COL21A1: variants seen among roughly 807,000 people sequenced by gnomAD.
COL21A1 encodes collagen type XXI alpha 1 chain, also known as collagen alpha-1(XXI) chain.
COL21A1 carries 149 observed loss-of-function variants against 137.9 expected under a neutral mutation model. The ratio of observed to expected loss-of-function variants is 1.08; its 90% CI spans 0.95 to 1.24. The LOEUF (loss-of-function observed/expected upper bound fraction) is 1.24, where lower values mean the gene tolerates loss of function less well. COL21A1 is among the 50% of genes most tolerant of loss of function. The pLI, the probability that COL21A1 is intolerant of heterozygous loss-of-function variation, is 0.00. For synonymous variants in COL21A1, 456 were observed against 391.5 expected, an observed-to-expected ratio of 1.16 and a Z score of -1.95; for missense variants, 1,167 against 1,158.4, an observed-to-expected ratio of 1.01 and a Z score of -0.11.
chr6:56,323,933 G>A (rs951598645), intron 1 of COL21A1, among the ~76,000 whole-genome samples: 4 of 152,040 alleles, frequency 2.6e-5, no homozygotes, highest in Admixed American at 1.3e-4. Flanking sequence ...CCTGACTAAC[G>A]CTTGGTCAAG....
chr6:56,142,441 C>T (rs776354435), intron 10 of COL21A1, among the ~76,000 whole-genome samples: 6 of 152,136 alleles, frequency 3.9e-5, no homozygotes, highest in Non-Finnish European at 8.8e-5. Flanking sequence ...TTAAATTACT[C>T]ATTTTAGAAA....
intron 16 of COL21A1, among the ~76,000 whole-genome samples, chr6:56,112,213 G>A (rs1246943524): frequency 6.6e-6 from 1 of 152,034 alleles, no homozygotes; most frequent in East Asian, 1.9e-4. Context: ...AATGGTGCTA[G>A]AATAACTGAA....
intron 1 of COL21A1, among the ~76,000 whole-genome samples, chr6:56,288,287 C>G (rs1398609819): frequency 3.3e-5 from 5 of 150,874 alleles, no homozygotes; most frequent in African/African-American, 4.9e-5. Context: ...TATTTGACTG[C>G]ATGACCCACT....
At chr6:56,344,113 A>G (rs1365390822) in intron 1 of COL21A1, among the ~76,000 whole-genome samples, 1 of 152,210 alleles carries the variant, frequency 6.6e-6, no homozygotes, top group Non-Finnish European at 1.5e-5. Context: ...CTCAAATGAA[A>G]TGCATTCCTA....
intron 1 of COL21A1, among the ~76,000 whole-genome samples, chr6:56,317,386 C>A (rs1764762657): frequency 6.6e-6 from 1 of 152,102 alleles, no homozygotes; most frequent in African/African-American, 2.4e-5. Flanking sequence ...TGCTGCAATC[C>A]CCCATACTGT....
At chr6:56,239,342 T>C (rs1782115369) in intron 1 of COL21A1, among the ~76,000 whole-genome samples, 1 of 152,146 alleles carries the variant, frequency 6.6e-6, no homozygotes. Flanking sequence ...AATGTTTCCA[T>C]ATACAAAGCA....
intron 1 of COL21A1, among the ~76,000 whole-genome samples, chr6:56,339,514 T>C (rs533508498): frequency 2.0e-5 from 3 of 152,328 alleles, no homozygotes; most frequent in East Asian, 1.9e-4. Flanking sequence ...GAATTACTGA[T>C]CTAGAATATG....
chr6:56,269,961 C>T (rs1251542759), intron 1 of COL21A1, among the ~76,000 whole-genome samples: 1 of 152,170 alleles, frequency 6.6e-6, no homozygotes, highest in South Asian at 2.1e-4. Flanking sequence ...AGAACGACAC[C>T]TGCTACCACA....
At chr6:56,227,411 T>G (rs1781275974) in intron 1 of COL21A1, among the ~76,000 whole-genome samples, 1 of 152,008 alleles carries the variant, frequency 6.6e-6, no homozygotes, top group African/African-American at 2.4e-5. Context: ...TGTGGGAAAT[T>G]CTACTAAGTA....
chr6:56,170,810 A>G lies in COL21A1; in HGVS notation c.865T>C (p.Phe289Leu), dbSNP rs1209879684. 1 of 1,610,954 alleles carries G rather than the reference A, an allele frequency of 6.2e-7. No homozygotes were observed. Among genetic ancestry groups the G allele is most frequent in the Non-Finnish European group, 8.5e-7 (1 of 1,178,078 alleles). ...AAATCCCAAATTTTCTTGACTTTAA[A>G]TCTTTGAGTAGACACAAATACATAT... is the stretch of plus-strand genomic sequence containing the variant. ...PSYVFVSTQR[F>L]KVKKIWDLWR... The change falls in exon 5 of 30, where the codon TTT becomes CTT. Residue 289 changes from phenylalanine to leucine, a missense_variant. Physicochemically the swap from Phe to Leu is conservative, Grantham distance 22. Coordinates refer to ENST00000244728, the MANE Select transcript of COL21A1 (RefSeq NM_030820.4).
rs553825886 is a variant in COL21A1 at position 56,295,205 on chromosome 6, G to C, written c.-39+98766C>G. On this transcript the variant is annotated intron_variant, in intron 1 of 28. Transcript: ENST00000370819. ...CCAGTAGCATTTGTTGAAAAGATTGGGTTTTTTTCTATTGAATTGCCTTTG... is the reference window on the plus strand; with the variant it reads ...CCAGTAGCATTTGTTGAAAAGATTGCGTTTTTTTCTATTGAATTGCCTTTG... Among the ~76,000 whole-genome samples the C allele has an allele frequency of 1.3e-5, 2 of 151,760 alleles. 1 individual carries two copies. Among genetic ancestry groups the C allele is most frequent in the Admixed American group, 1.3e-4 (2 of 15,218 alleles).
At chr6:56,078,140 AAAG>A in intron 17 of COL21A1, 1 of 456,006 alleles carries the variant, frequency 2.2e-6, no homozygotes, top group Non-Finnish European at 4.4e-6. Flanking sequence ...GAAGAGACAT[AAAG>A]AAGTACAGGT....
chr6:56,219,781 T>C (rs1441643642), intron 1 of COL21A1, among the ~76,000 whole-genome samples: 1 of 152,122 alleles, frequency 6.6e-6, no homozygotes, highest in Non-Finnish European at 1.5e-5. Flanking sequence ...CTTGTTGCAA[T>C]GAATATTTTT....
chr6:56,153,684 G>A (rs79589971), intron 10 of COL21A1, among the ~76,000 whole-genome samples: 4,618 of 152,064 alleles, frequency 0.03, 171 homozygotes, highest in African/African-American at 0.084. Flanking sequence ...ATACTCCTGT[G>A]TAGCAAATCC....
intron 21 of COL21A1, among the ~76,000 whole-genome samples, chr6:56,069,624 A>G (rs1182650362): frequency 1.3e-5 from 2 of 150,266 alleles, no homozygotes; most frequent in Non-Finnish European, 3.0e-5. Context: ...ATTCATAAAC[A>G]CACATATATA....
chr6:56,172,828 C>G (rs571509125), intron 3 of COL21A1, among the ~76,000 whole-genome samples: 2 of 151,994 alleles, frequency 1.3e-5, no homozygotes, highest in Admixed American at 6.6e-5. Context: ...TAATTTCATA[C>G]CAACTTAAAA....
At chr6:56,260,625 GAGGA>G (rs201224962) in intron 1 of COL21A1, among the ~76,000 whole-genome samples, 15 of 79,970 alleles carry the variant, frequency 1.9e-4, no homozygotes, top group South Asian at 4.1e-4. Flanking sequence ...AAGAGAGAGA[GAGGA>G]AGGAAGGAAG....
upstream of COL21A1, among the ~76,000 whole-genome samples, chr6:56,251,765 C>T (rs1313483668): frequency 2.0e-5 from 3 of 152,222 alleles, no homozygotes; most frequent in African/African-American, 7.2e-5. Context: ...AAGCAGTTCT[C>T]AAATGCTCTC....
chr6:56,295,205 G>T lies in COL21A1; in HGVS notation c.-39+98766C>A, dbSNP rs553825886. 3.3e-5 allele frequency among the ~76,000 whole-genome samples: 5 copies of T among 151,878 alleles called. No individual in the cohort carries two copies. The South Asian group carries it at 8.3e-4, about 25-fold the overall frequency. On this transcript the variant is annotated intron_variant, in intron 1 of 28. Transcript: ENST00000370819. ...CCAGTAGCATTTGTTGAAAAGATTGGGTTTTTTTCTATTGAATTGCCTTTG... is the reference window on the plus strand; with the variant it reads ...CCAGTAGCATTTGTTGAAAAGATTGTGTTTTTTTCTATTGAATTGCCTTTG...
Sources: gnomAD v4.1 joint callset for allele counts (sites outside exome capture counted in the v4.1 genomes callset) on GRCh38, gnomAD v4.1.1 for gene constraint, MANE v1.5 for transcripts, NCBI Gene and HGNC (gene_info 2026-07-23, HGNC 2026-07-21) for gene names.